DNAJC5: variants seen among roughly 807,000 people sequenced by gnomAD.
The protein encoded by DNAJC5 is DnaJ heat shock protein family (Hsp40) member C5.
Under a neutral mutation model 23.2 loss-of-function variants are expected in DNAJC5, and 1 was observed. The ratio of observed to expected loss-of-function variants is 0.04; its 90% CI spans 0.02 to 0.20. DNAJC5 has a LOEUF of 0.20. Ranked by LOEUF, DNAJC5 falls within the 10% of genes least tolerant of loss-of-function variation. DNAJC5 has a pLI of 1.00. For synonymous variants in DNAJC5, 136 were observed against 120.0 expected, an observed-to-expected ratio of 1.13 and a Z score of -0.87; for missense variants, 180 against 267.0, an observed-to-expected ratio of 0.67 and a Z score of 2.27.
At chr20:63,914,147 G>A (rs951895266) in intron 1 of DNAJC5, among the ~76,000 whole-genome samples, 4 of 152,192 alleles carry the variant, frequency 2.6e-5, no homozygotes, top group South Asian at 2.1e-4. Context: ...TGAAAGTGGC[G>A]CCCAGACTTC....
At chr20:63,902,491 C>T (rs2053420145) in intron 1 of DNAJC5, among the ~76,000 whole-genome samples, 2 of 150,956 alleles carry the variant, frequency 1.3e-5, no homozygotes, top group South Asian at 4.2e-4. Flanking sequence ...GCCTCAGCCT[C>T]CTGAGTAGCT....
At chr20:63,902,845 T>A (rs761985452) in intron 1 of DNAJC5, among the ~76,000 whole-genome samples, 2 of 150,256 alleles carry the variant, frequency 1.3e-5, no homozygotes, top group Non-Finnish European at 3.0e-5. Context: ...CCAGCTAATG[T>A]TTTTTGTATT....
In DNAJC5 at chr20:63,928,398, A is replaced by T; in HGVS notation, c.53A>T (p.His18Leu). The part of the protein sequence containing the change: ...SLSTSGESLY[H>L]VLGLDKNATS... ...TCTACCTCTGGGGAGTCATTGTACCACGTCCTTGGGTTGGACAAGAACGCA... is the reference window on the plus strand; with the variant it reads ...TCTACCTCTGGGGAGTCATTGTACCTCGTCCTTGGGTTGGACAAGAACGCA... The change falls in exon 2 of 5, where the codon CAC becomes CTC. Residue 18 changes from histidine (H) to leucine (L), a missense_variant. Physicochemically the swap from His to Leu is moderately conservative, Grantham distance 99 (BLOSUM62 -3). Transcript: ENST00000360864. The surrounding 1 kb of genome is among the most constrained non-coding windows in gnomAD (Gnocchi z 4.6). The T allele has an allele frequency of 2.5e-6, 4 of 1,614,042 alleles. No individual in the cohort carries two copies. The highest frequency in any genetic ancestry group is 3.4e-6 in the Non-Finnish European group (4 of 1,180,034).
chr20:63,903,509 A>G (rs533396884), intron 1 of DNAJC5, among the ~76,000 whole-genome samples: 3 of 151,730 alleles, frequency 2.0e-5, no homozygotes, highest in Non-Finnish European at 4.4e-5. Flanking sequence ...GGGTTTCACC[A>G]TGTTGGCCAG....
Position 63,929,339 on chromosome 20 carries a change from C to T in DNAJC5, c.135C>T (p.Asp45=), listed in dbSNP as rs2053641863. ...YRKLALKYHP[D]KNPDNPEAAD... is the part of the protein sequence containing the mutation. The stretch of plus-strand genomic sequence containing the variant: ...AGCTTGCCTTGAAATATCACCCCGA[C>T]AAGAACCCCGACAACCCGGAGGCCG... Residue 45 remains aspartate (D), a synonymous_variant, in exon 3 of 5, where the codon GAC becomes GAT. Transcript: ENST00000360864. The surrounding 1 kb of genome is among the most constrained non-coding windows in gnomAD (Gnocchi z 8.6). The T allele has an allele frequency of 1.2e-6, 2 of 1,614,050 alleles. 1 individual carries two copies. Among genetic ancestry groups the T allele is most frequent in the East Asian group, 4.5e-5 (2 of 44,870 alleles).
rs562770409 is a variant in DNAJC5, at chr20:63,918,342, C to T, written c.-11-9993C>T. Reference sequence around the variant, plus strand: ...GCCAGCCTGGGCAACATAGCAAGACCCTGTCTCAAAGGAAAAAAAAAGCAG... The same window carrying T: ...GCCAGCCTGGGCAACATAGCAAGACTCTGTCTCAAAGGAAAAAAAAAGCAG... On this transcript the variant is annotated intron_variant, in intron 1 of 4. Transcript: ENST00000360864. Among the ~76,000 whole-genome samples, 3 of 152,118 alleles carry T rather than the reference C, an allele frequency of 2.0e-5. No homozygotes were observed. In the South Asian group the frequency reaches 6.2e-4, roughly 32 times the overall value.
At chr20:63,913,392 TTC>T (rs1440163448) in intron 1 of DNAJC5, among the ~76,000 whole-genome samples, 1 of 151,752 alleles carries the variant, frequency 6.6e-6, no homozygotes, top group African/African-American at 2.4e-5. Flanking sequence ...CCTGTTTTTT[TTC>T]TTTCTTTTTT....
chr20:63,921,167 C>G (rs546926403), intron 1 of DNAJC5, among the ~76,000 whole-genome samples: 1 of 152,280 alleles, frequency 6.6e-6, no homozygotes, highest in South Asian at 2.1e-4. Context: ...CCATGTTGGT[C>G]AGGCTGGCCT....
chr20:63,902,079 GA>G (rs2053416628), intron 1 of DNAJC5, among the ~76,000 whole-genome samples: 3 of 151,940 alleles, frequency 2.0e-5, no homozygotes, highest in African/African-American at 7.3e-5. Flanking sequence ...GTGGGGGACA[GA>G]GTCTTGTGCT....
Position 63,930,936 on chromosome 20 carries a change from G to T in DNAJC5, c.407G>T (p.Cys136Phe). 1 of 1,614,154 alleles carries T rather than the reference G, an allele frequency of 6.2e-7. No homozygotes were observed. The highest frequency in any genetic ancestry group is 8.5e-7 in the Non-Finnish European group (1 of 1,180,044). The change falls in exon 4 of 5, where the codon TGT becomes TTT. Residue 136 changes from cysteine to phenylalanine, a missense_variant. Cys to Phe is a radical substitution (Grantham distance 205, BLOSUM62 -2). Transcript: ENST00000360864. ...TGCTTCAACTGCTGCTGCGGGAAGT[G>T]TAAGCCCAAGGCGCCTGAAGGCGAG... The part of the protein sequence containing the change: ...CCCFNCCCGK[C>F]KPKAPEGEET...
Position 63,913,411 on chromosome 20 carries a change from T to TA in DNAJC5, c.-11-14923dup, listed in dbSNP as rs1216779970. 1.2e-3 allele frequency among the ~76,000 whole-genome samples: 185 copies of TA among 151,494 alleles called. 1 individual carries two copies. The highest frequency in any genetic ancestry group is 3.6e-3 in the African/African-American group (150 of 41,344). On this transcript the variant is annotated intron_variant, in intron 1 of 4. Transcript: ENST00000360864. ...TTTTTTTTCTTTCTTTTTTTTTTTT[T>TA]AGTGAGACAGAGTCTCGCTCTGTTG...
In DNAJC5 at chr20:63,934,674, A is replaced by G. The variant is rs1193666593; in HGVS notation, c.*3106A>G. ...AGATATTACTGCTCAGTGTTTGTGAACTTTCCTAGTTCTCTATGTTGTTAG... is the reference window on the plus strand; with the variant it reads ...AGATATTACTGCTCAGTGTTTGTGAGCTTTCCTAGTTCTCTATGTTGTTAG... On this transcript the variant is annotated 3_prime_UTR_variant, in exon 5 of 5. Transcript: ENST00000360864. 6.6e-6 allele frequency: 1 copy of G among 152,228 alleles called. No homozygotes were observed. The highest frequency in any genetic ancestry group is 1.5e-5 in the Non-Finnish European group (1 of 68,044). The allele number at this position is 152,228 out of a possible 1,614,324, so 9.4% of individuals were successfully genotyped here. A position where few individuals can be genotyped will look rare whatever the true frequency, so the allele number is the denominator to read the frequency against.
rs1326762131 is a variant in DNAJC5 at position 63,932,709 on chromosome 20, G to C, written c.*1141G>C. ...CCTGGAGGAAGGACTGACTGGACCA[G>C]AGGGACCCTCTGGCTCAGGAGGGTT... On this transcript the variant is annotated 3_prime_UTR_variant, in exon 5 of 5. Coordinates refer to ENST00000360864, the MANE Select transcript of DNAJC5 (RefSeq NM_025219.3). This position sits in a 1 kb window ranked among gnomAD's most constrained non-coding sequence, Gnocchi z 4.4. The C allele has an allele frequency of 2.0e-5, 3 of 152,356 alleles. No homozygotes were observed. The highest frequency in any genetic ancestry group is 7.2e-5 in the African/African-American group (3 of 41,452). The allele number at this position is 152,356 out of a possible 1,614,324, so 9.4% of individuals were successfully genotyped here.
At chr20:63,910,177 G>A (rs552902393) in intron 1 of DNAJC5, among the ~76,000 whole-genome samples, 3 of 152,186 alleles carry the variant, frequency 2.0e-5, no homozygotes, top group East Asian at 1.9e-4. Context: ...TTGAATAGTC[G>A]CTACCCAGGT....
chr20:63,931,375 C>A lies in DNAJC5; in HGVS notation c.494-90C>A. On this transcript the variant is annotated intron_variant, in intron 4 of 4. Coordinates refer to ENST00000360864, the MANE Select transcript of DNAJC5 (RefSeq NM_025219.3). The surrounding 1 kb of genome is among the most constrained non-coding windows in gnomAD (Gnocchi z 9.6). The stretch of plus-strand genomic sequence containing the variant: ...TAGCCTCTCCCGGTGGAGAGTTTGT[C>A]CAGGTGCCCGAAAGTCGCTCCACAG... The A allele has an allele frequency of 8.1e-7, 1 of 1,237,590 alleles. No individual in the cohort carries two copies. The highest frequency in any genetic ancestry group is 1.1e-6 in the Non-Finnish European group (1 of 876,298). 76.7% of individuals were successfully genotyped at this position (1,237,590 alleles called of 1,614,324 possible).
chr20:63,930,912 G>A lies in DNAJC5; in HGVS notation c.383G>A (p.Cys128Tyr). The A allele has an allele frequency of 6.2e-7, 1 of 1,614,118 alleles. No homozygotes were observed. Among genetic ancestry groups the A allele is most frequent in the Non-Finnish European group, 8.5e-7 (1 of 1,180,048 alleles). The change falls in exon 4 of 5, where the codon TGC (cysteine) becomes TAC (tyrosine). Residue 128 changes from cysteine to tyrosine, a missense_variant. Around this residue, in one of 3 missense-constraint regions of DNAJC5, gnomAD observed 97 missense variants for 123.4 expected, o/e 0.79. Coordinates refer to ENST00000360864, the MANE Select transcript of DNAJC5 (RefSeq NM_025219.3). ...TACTGCTGCTGCTGTCTGTGCTGCT[G>A]CTTCAACTGCTGCTGCGGGAAGTGT... is the stretch of plus-strand genomic sequence containing the variant. ...CCYCCCCLCC[C>Y]FNCCCGKCKP...
intron 1 of DNAJC5, among the ~76,000 whole-genome samples, chr20:63,898,078 A>T (rs4809379): frequency 6.6e-6 from 1 of 151,946 alleles, no homozygotes; most frequent in Non-Finnish European, 1.5e-5. Flanking sequence ...CCTGTTAACA[A>T]TCGTCAGAGC....
At chr20:63,908,402 G>T (rs991101472) in intron 1 of DNAJC5, among the ~76,000 whole-genome samples, 4 of 152,184 alleles carry the variant, frequency 2.6e-5, no homozygotes, top group African/African-American at 9.7e-5. Context: ...GAACTGTGGC[G>T]GATCCACTCT....
rs1395072418 is a variant in DNAJC5 at position 63,931,325 on chromosome 20, G to GC, written c.494-138dup. ...CGGTGACCCAAGGCGACGGAGGAAA[G>GC]CCGTGTGGGGTGGAGGTCAGCGAGT... On this transcript the variant is annotated intron_variant, in intron 4 of 4. Transcript: ENST00000360864. The surrounding 1 kb of genome is among the most constrained non-coding windows in gnomAD (Gnocchi z 9.6). The GC allele has an allele frequency of 1.1e-6, 1 of 917,148 alleles. No individual in the cohort carries two copies. The highest frequency in any genetic ancestry group is 1.6e-5 in the African/African-American group (1 of 61,092). 56.8% of individuals were successfully genotyped at this position (917,148 alleles called of 1,614,324 possible). A position where few individuals can be genotyped will look rare whatever the true frequency, so the allele number is the denominator to read the frequency against.
Sources: allele counts gnomAD v4.1 joint callset (sites outside exome capture counted in the v4.1 genomes callset), GRCh38; gene constraint gnomAD v4.1.1; regional missense constraint gnomAD v4.1.1; non-coding constraint Gnocchi (gnomAD v3.1); transcripts MANE v1.5; gene names NCBI Gene and HGNC (gene_info 2026-07-23, HGNC 2026-07-21).